The following ASPH variants were observed in gnomAD, a reference collection of about 807,000 sequenced individuals.
ASPH encodes the protein aspartyl/asparaginyl beta-hydroxylase.
In ASPH, 100 loss-of-function variants were observed where a neutral mutation model predicts 118.4. The ratio of observed to expected loss-of-function variants is 0.84; its 90% CI spans 0.72 to 1.00. The LOEUF is 1.00. Ranked by LOEUF, ASPH falls within the 50% of genes least tolerant of loss-of-function variation. ASPH has a pLI of 0.00. For synonymous variants in ASPH, 315 were observed against 325.6 expected (o/e 0.97, Z 0.35); for missense variants, 920 against 919.5 (o/e 1.00, Z -0.01).
At chr8:61,526,209 A>G (rs1251103027) in intron 21 of ASPH, 97 bp from the exon 22 acceptor site, 1 of 1,485,712 alleles carries the variant, frequency 6.7e-7, no homozygotes, top group Non-Finnish European at 9.1e-7. Context: ...TCAGAAAGGA[A>G]CTAATTCTTT....
intron 14 of ASPH, among the ~76,000 whole-genome samples, chr8:61,591,771 C>T (rs1841213307): frequency 6.6e-6 from 1 of 152,060 alleles, no homozygotes; most frequent in Non-Finnish European, 1.5e-5. Context: ...CGGGTTCTCT[C>T]CAGTAGACTC....
chr8:61,643,028 C>T (rs568003597), intron 9 of ASPH, 108 bp from the exon 10 acceptor site: 2 of 979,442 alleles, frequency 2.0e-6, no homozygotes, highest in South Asian at 1.9e-5. Flanking sequence ...GAACTCTACT[C>T]CTTCAAATAT....
chr8:61,586,801 T>C (rs960566736), intron 14 of ASPH, among the ~76,000 whole-genome samples: 2 of 152,200 alleles, frequency 1.3e-5, no homozygotes, highest in African/African-American at 2.4e-5. Context: ...GGGGAGGTGA[T>C]ATGACTTAAT....
chr8:61,664,806 A>T, intron 3 of ASPH: 5 of 988,198 alleles, frequency 5.1e-6, no homozygotes, highest in Non-Finnish European at 6.0e-6. Context: ...ACGAAAGAGA[A>T]AAACAGGGAA....
chr8:61,521,671 AT>A (rs1428225177), intron 22 of ASPH, among the ~76,000 whole-genome samples: 1 of 152,224 alleles, frequency 6.6e-6, no homozygotes, highest in African/African-American at 2.4e-5. Context: ...TTGTCGTTTG[AT>A]TATTTCTCAC....
At chr8:61,642,784 G>A (rs1235447305) in intron 10 of ASPH, 104 bp downstream of exon 10, 1 of 1,013,792 alleles carries the variant, frequency 9.9e-7, no homozygotes, top group African/African-American at 1.7e-5. Flanking sequence ...GGCGGAGGTT[G>A]TAGTGGGCCA....
At chr8:61,532,247 C>T (rs1817860187) in intron 21 of ASPH, among the ~76,000 whole-genome samples, 1 of 152,106 alleles carries the variant, frequency 6.6e-6, no homozygotes, top group African/African-American at 2.4e-5. Context: ...GAGGTGATAT[C>T]TCACTGTCCT....
At chr8:61,665,214 G>T in intron 3 of ASPH, 1 of 1,535,312 alleles carries the variant, frequency 6.5e-7, no homozygotes, top group South Asian at 1.3e-5. Flanking sequence ...CTGCAATCTG[G>T]AACATGACCA....
chr8:61,601,657 C>G lies in ASPH; in HGVS notation c.976+17321G>C, dbSNP rs891295349. Among the ~76,000 whole-genome samples, 6 of 149,188 alleles carry G rather than the reference C, an allele frequency of 4.0e-5. 1 individual carries two copies. Among genetic ancestry groups the G allele is most frequent in the African/African-American group, 1.0e-4 (4 of 39,958 alleles). ...AGGTACATATTGATAATTTAGAAAGCAAGAAAATACCAGAGGAAGATAATA... is the reference window on the plus strand; with the variant it reads ...AGGTACATATTGATAATTTAGAAAGGAAGAAAATACCAGAGGAAGATAATA... On this transcript the variant is annotated intron_variant, in intron 14 of 24. Transcript: ENST00000379454.
At chr8:61,626,207 G>T in intron 13 of ASPH, 1 of 1,453,126 alleles carries the variant, frequency 6.9e-7, no homozygotes, top group Non-Finnish European at 9.1e-7. Flanking sequence ...ATCTATCACA[G>T]CCATCTTTTG....
At chr8:61,697,858 A>G (rs1477133075) in intron 1 of ASPH, among the ~76,000 whole-genome samples, 1 of 152,158 alleles carries the variant, frequency 6.6e-6, no homozygotes, top group African/African-American at 2.4e-5. Context: ...GTGCAATCAG[A>G]GTTCACTGTA....
intron 14 of ASPH, among the ~76,000 whole-genome samples, chr8:61,590,448 G>C (rs1464735274): frequency 6.6e-6 from 1 of 152,072 alleles, no homozygotes; most frequent in Non-Finnish European, 1.5e-5. Flanking sequence ...GATGGCCAGG[G>C]AAGCCATGCA....
intron 2 of ASPH, among the ~76,000 whole-genome samples, chr8:61,683,116 T>C (rs553910770): frequency 5.3e-5 from 8 of 152,202 alleles, no homozygotes; most frequent in East Asian, 1.9e-4. Flanking sequence ...TTCCATTACA[T>C]GAAATGCCCA....
At chr8:61,683,229 T>C (rs1305231979) in intron 2 of ASPH, among the ~76,000 whole-genome samples, 1 of 151,700 alleles carries the variant, frequency 6.6e-6, no homozygotes, top group Non-Finnish European at 1.5e-5. Context: ...AAAAATAATC[T>C]GGAACTAGAT....
intron 3 of ASPH, among the ~76,000 whole-genome samples, chr8:61,672,977 A>C (rs1823359730): frequency 6.6e-6 from 1 of 152,240 alleles, no homozygotes; most frequent in East Asian, 1.9e-4. Flanking sequence ...TCAAGTGACC[A>C]AATTAAGAAT....
intron 3 of ASPH, among the ~76,000 whole-genome samples, chr8:61,669,801 C>A (rs1288764365): frequency 6.6e-6 from 1 of 152,116 alleles, no homozygotes; most frequent in East Asian, 1.9e-4. Flanking sequence ...CCTCTCCCTA[C>A]CCCCACTGTT....
chr8:61,586,531 A>G (rs950582933), intron 14 of ASPH, among the ~76,000 whole-genome samples: 7 of 152,188 alleles, frequency 4.6e-5, no homozygotes, highest in African/African-American at 1.7e-4. Flanking sequence ...GGAAGATGGA[A>G]TGGAATCACT....
chr8:61,546,882 T>A (rs1481600231), intron 21 of ASPH, among the ~76,000 whole-genome samples: 1 of 152,228 alleles, frequency 6.6e-6, no homozygotes, highest in Non-Finnish European at 1.5e-5. Context: ...AACCTCCACA[T>A]ATCCATCAGC....
chr8:61,621,153 C>T (rs1850764584), intron 13 of ASPH, among the ~76,000 whole-genome samples: 2 of 152,146 alleles, frequency 1.3e-5, no homozygotes, highest in Admixed American at 1.3e-4. Flanking sequence ...TCATTCCAGG[C>T]CCCAGGCCAA....
Sources: gnomAD v4.1 joint callset for allele counts (sites outside exome capture counted in the v4.1 genomes callset) on GRCh38, gnomAD v4.1.1 for gene constraint, MANE v1.5 for transcripts, NCBI Gene and HGNC (gene_info 2026-07-23, HGNC 2026-07-21) for gene names.